The following MIPEP variants were observed in gnomAD, a reference collection of about 807,000 sequenced individuals.
MIPEP encodes the protein mitochondrial intermediate peptidase.
Under a neutral mutation model 90.3 loss-of-function variants are expected in MIPEP, and 79 were observed. The ratio of observed to expected loss-of-function variants is 0.87; its 90% CI spans 0.73 to 1.05. MIPEP has a LOEUF of 1.05. Among genes scored for constraint, MIPEP ranks in the 50% least tolerant of loss-of-function variants. The pLI, the probability that MIPEP is intolerant of heterozygous loss-of-function variation, is 0.00. For missense variants in MIPEP, 940 were observed against 905.6 expected (o/e 1.04, Z -0.49); for synonymous variants, 334 against 315.8 (o/e 1.06, Z -0.61).
At chr13:23,855,266 G>A (rs1870001281) in intron 10 of MIPEP, among the ~76,000 whole-genome samples, 1 of 152,130 alleles carries the variant, frequency 6.6e-6, no homozygotes, top group Admixed American at 6.5e-5. Flanking sequence ...TGCTCTTTAA[G>A]ACTTGCTGAC....
At chr13:23,817,545 G>A (rs1405827595) in intron 14 of MIPEP, among the ~76,000 whole-genome samples, 1 of 152,018 alleles carries the variant, frequency 6.6e-6, no homozygotes, top group Non-Finnish European at 1.5e-5. Flanking sequence ...CCCCGATAAA[G>A]TCTGCCTTAC....
In MIPEP at chr13:23,806,038, T is replaced by C. The variant is rs1259373991; in HGVS notation, c.1760A>G (p.His587Arg). The C allele has an allele frequency of 1.2e-6, 2 of 1,613,606 alleles. No individual in the cohort carries two copies. The highest frequency in any genetic ancestry group is 2.2e-5 in the East Asian group (1 of 44,858). Residue 587 changes from histidine to arginine, a missense_variant, in exon 16 of 19, where the codon CAT (histidine) becomes CGT (arginine). Coordinates refer to ENST00000382172, the MANE Select transcript of MIPEP (RefSeq NM_005932.4). ...TGAATTCCTCAGGGGATGCTTCCCA[T>C]GGTAGATTTGATCCAGAGTGGCATA... is the stretch of plus-strand genomic sequence containing the variant. ...VFYATLDQIY[H>R]GKHPLRNSTT...
intron 7 of MIPEP, among the ~76,000 whole-genome samples, chr13:23,866,873 C>T (rs143013282): frequency 7.2e-5 from 11 of 152,244 alleles, no homozygotes; most frequent in East Asian, 1.9e-4. Context: ...ACCAAGTTTC[C>T]GGTCCTCCCA....
At chr13:23,866,830 C>T (rs9510914) in intron 7 of MIPEP, among the ~76,000 whole-genome samples, 31,355 of 152,116 alleles carry the variant, frequency 0.21, 4,048 homozygotes, top group East Asian at 0.46. Flanking sequence ...CCACTTGAAC[C>T]TCATTTGGTA....
chr13:23,863,859 AAT>A (rs1213499335), intron 8 of MIPEP, among the ~76,000 whole-genome samples: 6 of 152,262 alleles, frequency 3.9e-5, no homozygotes, highest in Non-Finnish European at 8.8e-5. Context: ...AGTTAAAATA[AAT>A]AGTTTCAAAA....
At chr13:23,773,234 G>C (rs1952672445) in intron 16 of MIPEP, among the ~76,000 whole-genome samples, 1 of 152,154 alleles carries the variant, frequency 6.6e-6, no homozygotes, top group African/African-American at 2.4e-5. Flanking sequence ...CACAATAGAG[G>C]TTTTTTGTGT....
intron 5 of MIPEP, among the ~76,000 whole-genome samples, chr13:23,872,322 G>A (rs143326469): frequency 0.14 from 21,318 of 152,172 alleles, 1,618 homozygotes; most frequent in African/African-American, 0.19. Flanking sequence ...TTAGCTGGGC[G>A]TGGTGGCACA....
intron 10 of MIPEP, among the ~76,000 whole-genome samples, chr13:23,848,801 C>A (rs1234115041): frequency 6.6e-6 from 1 of 152,178 alleles, no homozygotes; most frequent in Non-Finnish European, 1.5e-5. Context: ...CCATCCAGAG[C>A]GAGACTACAT....
intron 16 of MIPEP, among the ~76,000 whole-genome samples, chr13:23,786,291 A>G (rs1413805050): frequency 6.6e-6 from 1 of 152,336 alleles, no homozygotes; most frequent in Non-Finnish European, 1.5e-5. Flanking sequence ...ACAAATTTAC[A>G]TAATTAAAGA....
chr13:23,873,794 G>A, intron 5 of MIPEP, among the ~76,000 whole-genome samples: 1 of 152,108 alleles, frequency 6.6e-6, no homozygotes, highest in Non-Finnish European at 1.5e-5. Context: ...GAATTGATGT[G>A]GAAAGCGGCA....
At chr13:23,868,493 G>GCCCCCAGTGTCC (rs1219218011) in intron 7 of MIPEP, among the ~76,000 whole-genome samples, 1 of 152,110 alleles carries the variant, frequency 6.6e-6, no homozygotes, top group Non-Finnish European at 1.5e-5. Flanking sequence ...GTTGTGATCT[G>GCCCCCAGTGTCC]CCCCCAGTGT....
chr13:23,856,924 A>G (rs2137492780), intron 10 of MIPEP, among the ~76,000 whole-genome samples: 1 of 152,238 alleles, frequency 6.6e-6, no homozygotes, highest in Middle Eastern at 3.4e-3. Context: ...AGTAGCAAAA[A>G]TTAGAATATT....
rs74328326 is a variant in MIPEP, at chr13:23,732,850, G to T, written c.2045-2405C>A. On this transcript the variant is annotated intron_variant, in intron 18 of 18. Transcript: ENST00000382172. ...CTGGATAGTGATTTGAGTTATAAAG[G>T]TGTGTACATGCATCAAAATTCATTG... 6.0e-3 allele frequency among the ~76,000 whole-genome samples: 918 copies of T among 152,294 alleles called. 11 individuals are homozygous for T. Among genetic ancestry groups the T allele is most frequent in the African/African-American group, 0.021 (881 of 41,548 alleles).
chr13:23,889,390 T>C lies in MIPEP; in HGVS notation c.-70A>G. 1.7e-6 allele frequency: 2 copies of C among 1,210,302 alleles called. No homozygotes were observed. Among genetic ancestry groups the C allele is most frequent in the South Asian group, 7.5e-5 (2 of 26,504 alleles). 75.0% of individuals were successfully genotyped at this position (1,210,302 alleles called of 1,614,324 possible). On this transcript the variant is annotated 5_prime_UTR_variant, in exon 1 of 19. Coordinates refer to ENST00000382172, the MANE Select transcript of MIPEP (RefSeq NM_005932.4). ...TGCTGCTTTCGCTGGGAGCGCGCGC[T>C]CCGCGTTTCCAAGGCAGCAGCCCAC...
intron 10 of MIPEP, among the ~76,000 whole-genome samples, chr13:23,855,032 A>G (rs1287642036): frequency 5.9e-5 from 9 of 152,244 alleles, no homozygotes; most frequent in African/African-American, 2.2e-4. Context: ...CTGGAAGGAT[A>G]CATTAAACAA....
intron 11 of MIPEP, 109 bp downstream of exon 11, chr13:23,841,226 G>T: frequency 1.1e-6 from 1 of 888,834 alleles, no homozygotes; most frequent in Non-Finnish European, 1.7e-6. Context: ...TAAGGCAGGG[G>T]ACACACTCAG....
At position 23,742,233 on chromosome 13, in the gene MIPEP, T is replaced by G. The variant is rs972582071; in HGVS notation, c.2045-11788A>C. ...CCTTTGAAGGGGTGCCAAGAAAGAA[T>G]AGAGAGAAAAAAATACCTTTTTCAT... On this transcript the variant is annotated intron_variant, in intron 18 of 18. Transcript: ENST00000382172. Among the ~76,000 whole-genome samples, 5 of 152,112 alleles carry G rather than the reference T, an allele frequency of 3.3e-5. No homozygotes were observed. The East Asian group carries it at 7.7e-4, about 23-fold the overall frequency.
intron 17 of MIPEP, among the ~76,000 whole-genome samples, chr13:23,757,471 T>C (rs1435324765): frequency 2.0e-5 from 3 of 152,142 alleles, no homozygotes; most frequent in Admixed American, 6.5e-5. Flanking sequence ...TCTATAAAAA[T>C]AGTTTTGTGA....
chr13:23,789,139 G>C (rs1952876443), intron 16 of MIPEP, among the ~76,000 whole-genome samples: 1 of 152,030 alleles, frequency 6.6e-6, no homozygotes, highest in Non-Finnish European at 1.5e-5. Context: ...TTGTTCTTCT[G>C]TTGTCATTGT....
Sources: allele counts gnomAD v4.1 joint callset (sites outside exome capture counted in the v4.1 genomes callset), GRCh38; gene constraint gnomAD v4.1.1; transcripts MANE v1.5; gene names NCBI Gene and HGNC (gene_info 2026-07-23, HGNC 2026-07-21).